The following RGPD2 variants were observed in gnomAD, a reference collection of about 807,000 sequenced individuals.
RGPD2 encodes RANBP2 like and GRIP domain containing 2.
A neutral mutation model predicts 36.0 loss-of-function variants in RGPD2; 2 were observed. The observed-to-expected ratio is 0.06, with a 90% CI of 0.02 to 0.17. The LOEUF is 0.17. Among genes scored for constraint, RGPD2 ranks in the 10% least tolerant of loss-of-function variants. RGPD2 has a pLI of 1.00. For synonymous variants in RGPD2, 19 were observed against 163.8 expected (o/e 0.12, Z 6.75); for missense variants, 40 against 464.3 (o/e 0.09, Z 8.40).
the RGPD2 span, among the ~76,000 whole-genome samples, chr2:87,845,712 T>A: frequency 1.3e-5 from 2 of 151,872 alleles, no homozygotes; most frequent in African/African-American, 4.8e-5. Flanking sequence ...AATTATCCGA[T>A]CTTGAAATTT....
chr2:87,894,569 T>C, the RGPD2 span, among the ~76,000 whole-genome samples: 1 of 152,086 alleles, frequency 6.6e-6, no homozygotes, highest in Non-Finnish European at 1.5e-5. Flanking sequence ...CATTTATAAA[T>C]ACCTATTGTG....
the RGPD2 span, among the ~76,000 whole-genome samples, chr2:87,875,811 T>C: frequency 6.6e-6 from 1 of 152,292 alleles, no homozygotes; most frequent in East Asian, 1.9e-4. Flanking sequence ...TTTTTACCTC[T>C]GGTAGAATTC....
chr2:87,917,106 G>T, the RGPD2 span, among the ~76,000 whole-genome samples: 2 of 151,996 alleles, frequency 1.3e-5, no homozygotes, highest in East Asian at 1.9e-4. Context: ...AATGACTAAG[G>T]CTCCAAGGTG....
the RGPD2 span, among the ~76,000 whole-genome samples, chr2:87,930,455 G>T: frequency 1.3e-5 from 2 of 152,238 alleles, no homozygotes; most frequent in South Asian, 4.1e-4. Context: ...CTGATGTGCT[G>T]CTGGATTCTA....
At chr2:87,929,231 A>G in the RGPD2 span, among the ~76,000 whole-genome samples, 4 of 151,768 alleles carry the variant, frequency 2.6e-5, no homozygotes, top group Admixed American at 1.3e-4. Context: ...ATTTTTGTAT[A>G]AGGTGTAAGA....
At chr2:87,964,462 T>C in the RGPD2 span, among the ~76,000 whole-genome samples, 2 of 152,150 alleles carry the variant, frequency 1.3e-5, no homozygotes, top group Non-Finnish European at 1.5e-5. Flanking sequence ...CTACATTTTA[T>C]TGTACTTCAC....
At chr2:87,769,487 C>T (rs1489310102) in intron 22 of RGPD2, among the ~76,000 whole-genome samples, 2 of 148,660 alleles carry the variant, frequency 1.3e-5, no homozygotes, top group African/African-American at 4.9e-5. Context: ...ATGTGTATCT[C>T]CTCTATGAAA....
the RGPD2 span, among the ~76,000 whole-genome samples, chr2:87,951,552 A>T: frequency 6.6e-6 from 1 of 151,982 alleles, no homozygotes; most frequent in Non-Finnish European, 1.5e-5. Context: ...AGAGACTTAC[A>T]AGTTGATGTG....
At chr2:87,769,346 G>A (rs551624152) in intron 22 of RGPD2, among the ~76,000 whole-genome samples, 1 of 152,228 alleles carries the variant, frequency 6.6e-6, no homozygotes, top group Non-Finnish European at 1.5e-5. Context: ...TTGTAATAAG[G>A]TCTCTTTTAT....
chr2:87,967,420 A>T, the RGPD2 span, among the ~76,000 whole-genome samples: 36 of 148,602 alleles, frequency 2.4e-4, 1 homozygote, highest in African/African-American at 6.5e-4. Context: ...AAAAAAAAAA[A>T]TTTTTTTTCC....
the RGPD2 span, among the ~76,000 whole-genome samples, chr2:87,876,127 C>CTATTT: frequency 2.7e-5 from 4 of 149,354 alleles, no homozygotes; most frequent in East Asian, 7.8e-4. Flanking sequence ...AGCTAGCAGT[C>CTATTT]TATTTTATTT....
chr2:87,876,388 C>T, the RGPD2 span, among the ~76,000 whole-genome samples: 1 of 152,318 alleles, frequency 6.6e-6, no homozygotes, highest in South Asian at 2.1e-4. Context: ...TCCCTCTGAA[C>T]ACTGCTTTAG....
At chr2:87,877,436 G>A in the RGPD2 span, among the ~76,000 whole-genome samples, 1 of 152,260 alleles carries the variant, frequency 6.6e-6, no homozygotes, top group South Asian at 2.1e-4. Flanking sequence ...GTCTGAAAAG[G>A]AGCTTATTTC....
the RGPD2 span, among the ~76,000 whole-genome samples, chr2:87,832,496 A>G: frequency 6.6e-6 from 1 of 151,286 alleles, no homozygotes; most frequent in Admixed American, 6.6e-5. Flanking sequence ...AATATAAACT[A>G]TATCAAAATA....
chr2:87,840,030 ATTTAAGAGTATCCCC>A, the RGPD2 span, among the ~76,000 whole-genome samples: 1 of 148,584 alleles, frequency 6.7e-6, no homozygotes, highest in Admixed American at 6.8e-5. Flanking sequence ...TGTGTACTGA[ATTTAAGAGTATCCCC>A]TTCAAAGTTA....
the RGPD2 span, among the ~76,000 whole-genome samples, chr2:87,863,712 G>GTATATATATATATA: frequency 6.8e-6 from 1 of 146,370 alleles, no homozygotes; most frequent in African/African-American, 2.5e-5. Flanking sequence ...GTGTGTGTGT[G>GTATATATATATATA]TATATATATA....
At chr2:87,935,397 A>C in the RGPD2 span, among the ~76,000 whole-genome samples, 2 of 150,398 alleles carry the variant, frequency 1.3e-5, no homozygotes, top group Non-Finnish European at 3.0e-5. Flanking sequence ...TCATCCCAAC[A>C]AATATGGTTG....
the RGPD2 span, among the ~76,000 whole-genome samples, chr2:87,921,721 T>C: frequency 6.6e-6 from 1 of 152,190 alleles, no homozygotes; most frequent in Non-Finnish European, 1.5e-5. Flanking sequence ...TTCTACAATG[T>C]CACATTACCA....
chr2:87,769,420 T>C (rs1301924621), intron 22 of RGPD2, among the ~76,000 whole-genome samples: 2 of 151,476 alleles, frequency 1.3e-5, no homozygotes. Flanking sequence ...TTTAAATGTG[T>C]TTTCCTGTCT....
Sources: gnomAD v4.1 joint callset for allele counts (sites outside exome capture counted in the v4.1 genomes callset) on GRCh38, gnomAD v4.1.1 for gene constraint, MANE v1.5 for transcripts, NCBI Gene and HGNC (gene_info 2026-07-23, HGNC 2026-07-21) for gene names.